The following MEGF10 variants were observed in gnomAD, a reference collection of about 807,000 sequenced individuals.
MEGF10 encodes the protein multiple epidermal growth factor-like domains protein 10.
In MEGF10, 86 loss-of-function variants were observed where a neutral mutation model predicts 147.5. The observed-to-expected ratio is 0.58, with a 90% CI of 0.49 to 0.70. MEGF10 has a LOEUF of 0.70. Among genes scored for constraint, MEGF10 ranks in the 30% least tolerant of loss-of-function variants. The pLI is 0.00. For missense variants in MEGF10, 1,329 were observed against 1,487.3 expected, an observed-to-expected ratio of 0.89 and a Z score of 1.75; for synonymous variants, 478 against 525.5, an observed-to-expected ratio of 0.91 and a Z score of 1.24.
chr5:127,384,127 T>A (rs1346311221), intron 5 of MEGF10, among the ~76,000 whole-genome samples: 1 of 152,212 alleles, frequency 6.6e-6, no homozygotes, highest in Non-Finnish European at 1.5e-5. Flanking sequence ...TCCTCTATGT[T>A]CCCAGCAATG....
intron 5 of MEGF10, among the ~76,000 whole-genome samples, chr5:127,373,005 G>A (rs1482748135): frequency 6.6e-6 from 1 of 152,180 alleles, no homozygotes; most frequent in African/African-American, 2.4e-5. Flanking sequence ...TTTCTGTAAG[G>A]AAGATTTGCT....
At chr5:127,274,632 T>A in the MEGF10 span, among the ~76,000 whole-genome samples, 858 of 152,258 alleles carry the variant, frequency 5.6e-3, 6 homozygotes, top group African/African-American at 0.02. Flanking sequence ...CTATTTTTTT[T>A]AATGGATTTT....
At chr5:127,325,688 G>A (rs31471) in intron 1 of MEGF10, among the ~76,000 whole-genome samples, 73,741 of 151,588 alleles carry the variant, frequency 0.49, 18,955 homozygotes, top group Middle Eastern at 0.64. Flanking sequence ...TCAGTGACTT[G>A]CCCAGTTTTT....
chr5:127,397,020 A>G (rs998095282), intron 6 of MEGF10, among the ~76,000 whole-genome samples: 9 of 152,166 alleles, frequency 5.9e-5, no homozygotes, highest in African/African-American at 2.2e-4. Flanking sequence ...CTTTCCTTCT[A>G]GCAGGCAAAG....
upstream of MEGF10, among the ~76,000 whole-genome samples, chr5:127,288,505 T>C (rs1003053790): frequency 9.2e-5 from 14 of 152,132 alleles, no homozygotes; most frequent in African/African-American, 3.4e-4. Context: ...GTCACCATCA[T>C]TAGTCAGTAA....
At chr5:127,371,191 C>CTGGGAG (rs1762836261) in intron 5 of MEGF10, among the ~76,000 whole-genome samples, 1 of 126,166 alleles carries the variant, frequency 7.9e-6, no homozygotes, top group East Asian at 2.4e-4. Context: ...GGGACTGGGA[C>CTGGGAG]TGTGTGTGTG....
chr5:127,443,889 T>C (rs1461288384), intron 19 of MEGF10, among the ~76,000 whole-genome samples: 2 of 152,246 alleles, frequency 1.3e-5, no homozygotes, highest in Non-Finnish European at 2.9e-5. Context: ...ATAAAGCTGC[T>C]ATGAACAAGA....
rs17164935 is a variant in MEGF10, at chr5:127,455,590, G to A, written c.3215G>A (p.Arg1072Lys). 0.16 allele frequency: 251,678 copies of A among 1,613,490 alleles called. 20,250 individuals are homozygous for A. The highest frequency in any genetic ancestry group is 0.17 in the Non-Finnish European group (197,305 of 1,179,620). ...ATCAATAACTCAACTTCAGCCAACA[G>A]GAATGTCTATGAAGTTGGTGAGTTC... ...AEINNSTSAN[R>K]NVYEVEPTVS... Residue 1072 changes from arginine to lysine, a missense_variant, in exon 24 of 25, where the codon AGG becomes AAG. By Grantham distance (26) the Arg-to-Lys change is conservative. This residue lies in a region of MEGF10 where 343 missense variants were observed against 377.9 expected (regional missense o/e 0.91). Transcript: ENST00000503335.
chr5:127,376,365 C>A (rs955949443), intron 5 of MEGF10, among the ~76,000 whole-genome samples: 16 of 151,960 alleles, frequency 1.1e-4, no homozygotes, highest in Admixed American at 1.0e-3. Flanking sequence ...GAGTGGATTG[C>A]GGAATAGAGG....
chr5:127,251,470 T>G, the MEGF10 span, among the ~76,000 whole-genome samples: 50 of 152,202 alleles, frequency 3.3e-4, no homozygotes, highest in Middle Eastern at 3.4e-3. Context: ...AGAAAGCACT[T>G]AGAAGAGTGC....
chr5:127,449,479 C>A (rs1007168178), intron 22 of MEGF10, among the ~76,000 whole-genome samples: 1 of 152,216 alleles, frequency 6.6e-6, no homozygotes, highest in African/African-American at 2.4e-5. Flanking sequence ...TCGTAGCTTA[C>A]ATTCTTGCTC....
At position 127,444,206 on chromosome 5, in the gene MEGF10, G is replaced by C. The variant is rs754177862; in HGVS notation, c.2491+1080G>C. On this transcript the variant is annotated intron_variant, in intron 19 of 24. Transcript: ENST00000503335. ...TCCCTGGTAGGCAATAAGCAGTTGG[G>C]CTATAAAAGGCTTTAGAAAATTGAT... is the stretch of plus-strand genomic sequence containing the variant. 2.6e-4 allele frequency among the ~76,000 whole-genome samples: 40 copies of C among 152,180 alleles called. 1 individual carries two copies. The highest frequency in any genetic ancestry group is 1.3e-4 in the Non-Finnish European group (9 of 68,028).
chr5:127,368,751 C>T (rs530143460), intron 4 of MEGF10, among the ~76,000 whole-genome samples: 4 of 152,126 alleles, frequency 2.6e-5, no homozygotes, highest in East Asian at 3.9e-4. Flanking sequence ...TGTGTGCACA[C>T]GTGTGTATAT....
intron 13 of MEGF10, among the ~76,000 whole-genome samples, chr5:127,425,319 G>A (rs141474555): frequency 2.6e-5 from 4 of 152,260 alleles, no homozygotes; most frequent in African/African-American, 7.2e-5. Flanking sequence ...ATCTGTGGCC[G>A]GCCTGCTTCT....
the MEGF10 span, among the ~76,000 whole-genome samples, chr5:127,253,747 ATT>A: frequency 6.6e-6 from 1 of 151,990 alleles, no homozygotes; most frequent in Admixed American, 6.6e-5. Context: ...ATAACAGAAA[ATT>A]CACAGGACTT....
intron 22 of MEGF10, among the ~76,000 whole-genome samples, chr5:127,451,555 G>C (rs1196093018): frequency 6.6e-6 from 1 of 152,104 alleles, no homozygotes; most frequent in African/African-American, 2.4e-5. Flanking sequence ...TTAGCTCAAA[G>C]GAATATATGA....
At chr5:127,438,838 A>G (rs1044473914) in intron 17 of MEGF10, among the ~76,000 whole-genome samples, 2 of 152,190 alleles carry the variant, frequency 1.3e-5, no homozygotes, top group African/African-American at 4.8e-5. Flanking sequence ...TAACCAAATC[A>G]TATTTATATG....
chr5:127,246,953 T>TA, the MEGF10 span, among the ~76,000 whole-genome samples: 1 of 1,516 alleles, frequency 6.6e-4, no homozygotes, highest in African/African-American at 2.0e-3. Flanking sequence ...TTATATATAA[T>TA]AAATAATATA....
chr5:127,241,124 GA>G, the MEGF10 span, among the ~76,000 whole-genome samples: 1 of 152,114 alleles, frequency 6.6e-6, no homozygotes, highest in African/African-American at 2.4e-5. Flanking sequence ...TCAAGTTCCC[GA>G]GGCACTGATA....
Sources: allele counts gnomAD v4.1 joint callset (sites outside exome capture counted in the v4.1 genomes callset), GRCh38; gene constraint gnomAD v4.1.1; regional missense constraint gnomAD v4.1.1; transcripts MANE v1.5; gene names NCBI Gene and HGNC (gene_info 2026-07-23, HGNC 2026-07-21).